CIP2A: variants seen among roughly 807,000 people sequenced by gnomAD.
CIP2A encodes cellular inhibitor of PP2A, also known as protein CIP2A.
Under a neutral mutation model 110.9 loss-of-function variants are expected in CIP2A, and 103 were observed. The ratio of observed to expected loss-of-function variants is 0.93; its 90% CI spans 0.79 to 1.09. CIP2A has a LOEUF of 1.09. CIP2A is among the 50% of genes least tolerant of loss of function. The pLI, the probability that CIP2A is intolerant of heterozygous loss-of-function variation, is 0.00. For missense variants in CIP2A, 1,088 were observed against 1,038.4 expected (o/e 1.05, Z -0.66); for synonymous variants, 381 against 361.6 (o/e 1.05, Z -0.61).
Position 108,560,812 on chromosome 3 carries a change from G to T in CIP2A, c.1664C>A (p.Ala555Asp), listed in dbSNP as rs1268579638. Residue 555 changes from alanine to aspartate, a missense_variant, in exon 14 of 21, where the codon GCC (alanine) becomes GAC (aspartate). Ala to Asp is a moderately radical substitution (Grantham distance 126, BLOSUM62 -2). Coordinates refer to ENST00000295746, the MANE Select transcript of CIP2A (RefSeq NM_020890.3). ...ATGTTCTGTTTCCTGTTGTCTATAG[G>T]CATTGTTTGCTGCTATACTTTCTCC... is the stretch of plus-strand genomic sequence containing the variant. ...VLGESIAANN[A>D]YRQQETEHIP... The T allele has an allele frequency of 1.2e-6, 2 of 1,605,436 alleles. No homozygotes were observed. The highest frequency in any genetic ancestry group is 2.2e-5 in the East Asian group (1 of 44,542).
intron 3 of CIP2A, 122 bp downstream of exon 3, chr3:108,582,855 G>A (rs1938925868): frequency 4.5e-6 from 2 of 448,238 alleles, no homozygotes; most frequent in East Asian, 3.5e-5. Flanking sequence ...GATGAACTGT[G>A]CCTAATCATG....
At position 108,557,418 on chromosome 3, in the gene CIP2A, A is replaced by C. The variant is rs200588632; in HGVS notation, c.2014-4T>G. On this transcript the variant is annotated splice_region_variant and splice_polypyrimidine_tract_variant and intron_variant, in intron 16 of 20. Coordinates refer to ENST00000295746, the MANE Select transcript of CIP2A (RefSeq NM_020890.3). ...ACATACTAGCAAGTGTCCGTGCCTCAAAAAAAAAAAGAAGATAGACTTTAC... is the reference window on the plus strand; with the variant it reads ...ACATACTAGCAAGTGTCCGTGCCTCCAAAAAAAAAAGAAGATAGACTTTAC... 1.3e-6 allele frequency: 1 copy of C among 776,872 alleles called. No homozygotes were observed. The highest frequency in any genetic ancestry group is 1.8e-6 in the Non-Finnish European group (1 of 560,914). The allele number at this position is 776,872 out of a possible 1,614,324, so 48.1% of individuals were successfully genotyped here.
rs751392489 is a variant in CIP2A at position 108,585,099 on chromosome 3, C to T, written c.216G>A (p.Leu72=). 6.2e-7 allele frequency: 1 copy of T among 1,612,974 alleles called. No homozygotes were observed. The highest frequency in any genetic ancestry group is 8.5e-7 in the Non-Finnish European group (1 of 1,179,380). The stretch of plus-strand genomic sequence containing the variant: ...ACAGCAAACCGATAATACTTAAGAT[C>T]AGTGAAGCACTTATGTTGGGGTCTT... ...LLEDPNISAS[L]ILSIIGLLSQ... is the part of the protein sequence containing the mutation. The change falls in exon 2 of 21, where the codon CTG becomes CTA. Residue 72 remains leucine (L), a synonymous_variant. Coordinates refer to ENST00000295746, the MANE Select transcript of CIP2A (RefSeq NM_020890.3).
chr3:108,568,262 A>C lies in CIP2A; in HGVS notation c.1166T>G (p.Leu389Arg). 2 of 1,612,442 alleles carry C rather than the reference A, an allele frequency of 1.2e-6. No individual in the cohort carries two copies. The highest frequency in any genetic ancestry group is 1.7e-6 in the Non-Finnish European group (2 of 1,178,874). Reference sequence around the variant, plus strand: ...AAGTTGATCAAGGATTGTAGGCAGCAGAAGGGTCACAAAACGATCAGCCGA... The same window carrying C: ...AAGTTGATCAAGGATTGTAGGCAGCCGAAGGGTCACAAAACGATCAGCCGA... ...CSSADRFVTLLLPTILDQLQF... is the reference protein window; with the variant it reads ...CSSADRFVTLRLPTILDQLQF... The change falls in exon 10 of 21, where the codon CTG (leucine) becomes CGG (arginine). Residue 389 changes from leucine (L) to arginine (R), a missense_variant. Transcript: ENST00000295746.
At chr3:108,553,624 T>C in intron 19 of CIP2A, 24 bp downstream of exon 19, 2 of 1,534,072 alleles carry the variant, frequency 1.3e-6, no homozygotes, top group Non-Finnish European at 1.8e-6. Flanking sequence ...AAATAGAAAA[T>C]GTATTAAATA....
intron 1 of CIP2A, among the ~76,000 whole-genome samples, chr3:108,587,787 T>G (rs931676009): frequency 4.6e-5 from 7 of 152,100 alleles, no homozygotes; most frequent in African/African-American, 1.2e-4. Flanking sequence ...TCTCTTTTTT[T>G]TTGTTTTGTT....
At chr3:108,557,114 A>G (rs955305828) in intron 17 of CIP2A, 104 bp downstream of exon 17, 5 of 646,400 alleles carry the variant, frequency 7.7e-6, no homozygotes, top group Non-Finnish European at 1.3e-5. Flanking sequence ...ATGTGTTATC[A>G]GAATATATGA....
intron 2 of CIP2A, among the ~76,000 whole-genome samples, chr3:108,583,840 A>G (rs1270039499): frequency 1.3e-5 from 2 of 152,200 alleles, no homozygotes; most frequent in African/African-American, 4.8e-5. Context: ...ATCATCACAT[A>G]CTTTATGCAG....
In CIP2A at chr3:108,585,185, G is replaced by C; in HGVS notation, c.130C>G (p.Leu44Val). The C allele has an allele frequency of 6.2e-7, 1 of 1,610,804 alleles. No individual in the cohort carries two copies. Among genetic ancestry groups the C allele is most frequent in the Non-Finnish European group, 8.5e-7 (1 of 1,178,390 alleles). ...EVISGQKLTR[L>V]FTSNQILTSE... The stretch of plus-strand genomic sequence containing the variant: ...GTTAATATCTGATTTGATGTAAATA[G>C]TCGTGTGAGTTTCTGTCCAGAAATT... Residue 44 changes from leucine to valine, a missense_variant, in exon 2 of 21, where the codon CTA (leucine) becomes GTA (valine). Coordinates refer to ENST00000295746, the MANE Select transcript of CIP2A (RefSeq NM_020890.3).
chr3:108,575,424 G>C lies in CIP2A; in HGVS notation c.894+847C>G, dbSNP rs552435021. On this transcript the variant is annotated intron_variant, in intron 8 of 20. Transcript: ENST00000295746. ...CACATGTGTATGTATACATATACATGTATACATACACATACATATATACAT... is the reference window on the plus strand; with the variant it reads ...CACATGTGTATGTATACATATACATCTATACATACACATACATATATACAT... 4.2e-5 allele frequency among the ~76,000 whole-genome samples: 4 copies of C among 94,426 alleles called. 1 individual carries two copies. The South Asian group carries it at 1.9e-3, about 46-fold the overall frequency. The allele number at this position is 94,426 out of a possible 152,430, so 61.9% of individuals were successfully genotyped here. A position where few individuals can be genotyped will look rare whatever the true frequency, so the allele number is the denominator to read the frequency against.
chr3:108,566,627 C>A lies in CIP2A; in HGVS notation c.1285G>T (p.Asp429Tyr), dbSNP rs1360004147. 3 of 1,596,538 alleles carry A rather than the reference C, an allele frequency of 1.9e-6. No homozygotes were observed. In the South Asian group the frequency reaches 3.4e-5, roughly 18 times the overall value. The change falls in exon 11 of 21, where the codon GAT becomes TAT. Residue 429 changes from aspartate (D) to tyrosine (Y), a missense_variant. By Grantham distance (160) the Asp-to-Tyr change is radical. Coordinates refer to ENST00000295746, the MANE Select transcript of CIP2A (RefSeq NM_020890.3). ...AIEVLLTLCG[D>Y]DTLKMHIAKI... ...GCAATATGCATTTTTAGTGTATCAT[C>A]TCCACAGAGAGGTTAAGTTTTGTTA...
chr3:108,581,602 G>T, intron 4 of CIP2A, 91 bp from the exon 5 acceptor site: 5 of 706,546 alleles, frequency 7.1e-6, no homozygotes, highest in South Asian at 1.8e-5. Flanking sequence ...ATATAGTTAA[G>T]TTTATACATT....
chr3:108,566,468 C>T, intron 11 of CIP2A, 29 bp downstream of exon 11: 1 of 1,567,182 alleles, frequency 6.4e-7, no homozygotes, highest in Non-Finnish European at 8.6e-7. Context: ...ACTGCCTTGC[C>T]ATTTTGTCAT....
chr3:108,558,747 T>C (rs1937896515), intron 16 of CIP2A, among the ~76,000 whole-genome samples: 3 of 151,998 alleles, frequency 2.0e-5, no homozygotes. Flanking sequence ...AGAGAGGAAA[T>C]GGTGTTCCAG....
At chr3:108,586,050 C>T (rs1342422806) in intron 1 of CIP2A, among the ~76,000 whole-genome samples, 1 of 152,108 alleles carries the variant, frequency 6.6e-6, no homozygotes, top group African/African-American at 2.4e-5. Context: ...ACAAAGATGG[C>T]AAAACCATTA....
In CIP2A at chr3:108,557,259, T is replaced by C. The variant is rs780725143; in HGVS notation, c.2169A>G (p.Glu723=). 11 of 1,604,702 alleles carry C rather than the reference T, an allele frequency of 6.9e-6. No individual in the cohort carries two copies. The highest frequency in any genetic ancestry group is 4.4e-5 in the South Asian group (4 of 90,026). ...TGTAGGATTTTGTCAGTATTTCATGTTCTTCAGCCACAGACTCTAACTTCC... is the reference window on the plus strand; with the variant it reads ...TGTAGGATTTTGTCAGTATTTCATGCTCTTCAGCCACAGACTCTAACTTCC... ...HNRKLESVAE[E]HEILTKSYME... The change falls in exon 17 of 21, where the codon GAA becomes GAG. Residue 723 remains glutamate, a synonymous_variant. Coordinates refer to ENST00000295746, the MANE Select transcript of CIP2A (RefSeq NM_020890.3).
chr3:108,583,392 C>T (rs1460943860), intron 2 of CIP2A, among the ~76,000 whole-genome samples: 1 of 152,068 alleles, frequency 6.6e-6, no homozygotes. Flanking sequence ...GGTATATTTA[C>T]ACAATGGAAT....
At chr3:108,575,289 TAC>T (rs1208550069) in intron 8 of CIP2A, among the ~76,000 whole-genome samples, 48 of 130,262 alleles carry the variant, frequency 3.7e-4, no homozygotes, top group South Asian at 6.2e-4. Context: ...CACGTGTACG[TAC>T]ACACACGTGT....
intron 12 of CIP2A, among the ~76,000 whole-genome samples, chr3:108,564,643 T>A (rs1325625202): frequency 6.6e-6 from 1 of 151,914 alleles, no homozygotes; most frequent in African/African-American, 2.4e-5. Flanking sequence ...GGAAGCCCCC[T>A]TTATTATAAT....
Sources: allele counts gnomAD v4.1 joint callset (sites outside exome capture counted in the v4.1 genomes callset), GRCh38; gene constraint gnomAD v4.1.1; transcripts MANE v1.5; gene names NCBI Gene and HGNC (gene_info 2026-07-23, HGNC 2026-07-21).